Variants in TTC21B observed in about 807,000 individuals in gnomAD.
TTC21B encodes the protein tetratricopeptide repeat protein 21B.
In TTC21B, 127 loss-of-function variants were observed where a neutral mutation model predicts 175.1. That is an observed-to-expected ratio of 0.73 (90% CI 0.63 to 0.84). The LOEUF (loss-of-function observed/expected upper bound fraction) is 0.84, where lower values mean the gene tolerates loss of function less well. TTC21B is among the 40% of genes least tolerant of loss of function. The probability of loss-of-function intolerance (pLI) is 0.00; values close to 1 mark genes in which losing one functional copy is unlikely to be tolerated. For synonymous variants in TTC21B, 524 were observed against 524.5 expected (o/e 1.00, Z 0.01); for missense variants, 1,561 against 1,558.3 (o/e 1.00, Z -0.03).
intron 13 of TTC21B, among the ~76,000 whole-genome samples, chr2:165,917,837 A>C (rs1686233489): frequency 6.6e-6 from 1 of 152,178 alleles, no homozygotes; most frequent in South Asian, 2.1e-4. Context: ...ACTGATATGA[A>C]GTTATTAGAT....
Position 165,945,607 on chromosome 2 carries a change from A to C in TTC21B, c.346T>G (p.Leu116Val). The C allele has an allele frequency of 6.2e-7, 1 of 1,613,876 alleles. No homozygotes were observed. The highest frequency in any genetic ancestry group is 8.5e-7 in the Non-Finnish European group (1 of 1,179,946). The part of the protein sequence containing the change: ...AGEKALYHAG[L>V]FLWHIGRHDK... ...TGGCGACCAATGTGCCATAAAAATA[A>C]GCCTGCATGGTATAAGGCTTTCTCT... The change falls in exon 4 of 29, where the codon TTA becomes GTA. Residue 116 changes from leucine to valine, a missense_variant. By Grantham distance (32) the Leu-to-Val change is conservative (BLOSUM62 1). Coordinates refer to ENST00000243344, the MANE Select transcript of TTC21B (RefSeq NM_024753.5).
At chr2:165,913,838 A>G (rs963223675) in intron 15 of TTC21B, among the ~76,000 whole-genome samples, 192 bp from the exon 16 acceptor site, 6 of 152,156 alleles carry the variant, frequency 3.9e-5, no homozygotes, top group Non-Finnish European at 4.4e-5. Context: ...TAGATCAGCT[A>G]TTTCTGTCAC....
chr2:165,914,504 T>TCAAA (rs1686070684), intron 15 of TTC21B, among the ~76,000 whole-genome samples: 1 of 152,206 alleles, frequency 6.6e-6, no homozygotes, highest in Non-Finnish European at 1.5e-5. Flanking sequence ...TCTGAGCAGC[T>TCAAA]TTTTGAGTTT....
chr2:165,947,169 C>CATATATATATATATATATGTATAT (rs1687601337), intron 3 of TTC21B: 1 of 91,710 alleles, frequency 1.1e-5, no homozygotes, highest in African/African-American at 6.2e-5. Context: ...TCCCCTCCCC[C>CATATATATATATATATATGTATAT]ATATATATAT....
intron 6 of TTC21B, among the ~76,000 whole-genome samples, chr2:165,939,011 C>T (rs963082108): frequency 1.3e-5 from 2 of 151,970 alleles, no homozygotes; most frequent in African/African-American, 4.8e-5. Context: ...AAAGAATTAT[C>T]CTATTTTTTC....
chr2:165,924,733 A>G (rs1386018782), intron 11 of TTC21B, 55 bp from the exon 12 acceptor site: 16 of 1,472,366 alleles, frequency 1.1e-5, no homozygotes, highest in Admixed American at 2.1e-5. Flanking sequence ...ATATTTACCT[A>G]AAATAAACAT....
At chr2:165,932,916 T>G (rs913405274) in intron 7 of TTC21B, 57 bp downstream of exon 7, 34 of 1,426,408 alleles carry the variant, frequency 2.4e-5, no homozygotes, top group Non-Finnish European at 3.0e-5. Flanking sequence ...TGGGTGTGTA[T>G]GTGTAATGAA....
chr2:165,943,892 T>C (rs35813753), intron 4 of TTC21B, among the ~76,000 whole-genome samples: 5 of 152,040 alleles, frequency 3.3e-5, no homozygotes, highest in Non-Finnish European at 7.4e-5. Flanking sequence ...TCTTTACACA[T>C]GTTAGTGGGC....
At chr2:165,883,755 C>T (rs1040424827) in intron 26 of TTC21B, 39 bp downstream of exon 26, 1 of 1,502,792 alleles carries the variant, frequency 6.7e-7, no homozygotes, top group African/African-American at 1.4e-5. Context: ...GCTTATGCAA[C>T]AAAGGTCAAT....
chr2:165,930,280 C>T lies in TTC21B; in HGVS notation c.979G>A (p.Ala327Thr), dbSNP rs747735168. The change falls in exon 9 of 29, where the codon GCT becomes ACT. Residue 327 changes from alanine (A) to threonine (T), a missense_variant. Ala to Thr is a moderately conservative substitution (Grantham distance 58). Coordinates refer to ENST00000243344, the MANE Select transcript of TTC21B (RefSeq NM_024753.5). ...FSLNPQQSEFATELGYQMILQ... is the reference protein window; with the variant it reads ...FSLNPQQSEFTTELGYQMILQ... ...ATCATTTGGTATCCAAGTTCTGTAG[C>T]AAATTCTGATTGCTGAGGGTTTAAA... 3.1e-6 allele frequency: 5 copies of T among 1,613,182 alleles called. No individual in the cohort carries two copies. The South Asian group carries it at 5.5e-5, about 18-fold the overall frequency.
At chr2:165,934,500 C>CAAAAAAA (rs369089707) in intron 6 of TTC21B, among the ~76,000 whole-genome samples, 27 of 71,872 alleles carry the variant, frequency 3.8e-4, no homozygotes, top group African/African-American at 1.3e-3. Context: ...GACTCTGTCT[C>CAAAAAAA]AAAAAAAAAA....
chr2:165,880,915 T>G (rs896823192), intron 26 of TTC21B, 116 bp from the exon 27 acceptor site: 1 of 1,180,176 alleles, frequency 8.5e-7, no homozygotes, highest in African/African-American at 1.5e-5. Context: ...AATCAAACAA[T>G]GGTTTTCAAC....
chr2:165,929,346 A>C lies in TTC21B; in HGVS notation c.1186-11T>G. On this transcript the variant is annotated splice_polypyrimidine_tract_variant and intron_variant, in intron 10 of 28. Coordinates refer to ENST00000243344, the MANE Select transcript of TTC21B (RefSeq NM_024753.5). ...TAAATAGATTAATTCCTAGAAAATA[A>C]GTAGTTTTCATAAATTATTCCATTT... 1.3e-6 allele frequency: 2 copies of C among 1,588,118 alleles called. No individual in the cohort carries two copies. The highest frequency in any genetic ancestry group is 1.1e-5 in the South Asian group (1 of 89,982).
At chr2:165,929,028 C>T (rs754356069) in intron 11 of TTC21B, 107 bp downstream of exon 11, 15 of 990,734 alleles carry the variant, frequency 1.5e-5, no homozygotes, top group South Asian at 1.5e-4. Flanking sequence ...ACAAATACTA[C>T]CATTTTAAGA....
intron 28 of TTC21B, among the ~76,000 whole-genome samples, chr2:165,875,187 C>T (rs1267549682): frequency 6.6e-6 from 1 of 152,142 alleles, no homozygotes; most frequent in Admixed American, 6.5e-5. Context: ...GACTTTTATA[C>T]AGCAGCACAC....
intron 12 of TTC21B, among the ~76,000 whole-genome samples, chr2:165,921,603 T>A (rs1258328172): frequency 6.6e-6 from 1 of 152,142 alleles, no homozygotes; most frequent in Non-Finnish European, 1.5e-5. Context: ...GCTCTAGGAG[T>A]GCCCAAATCT....
intron 22 of TTC21B, 56 bp downstream of exon 22, chr2:165,898,630 A>T (rs1574078931): frequency 1.7e-6 from 2 of 1,205,422 alleles, no homozygotes; most frequent in East Asian, 4.7e-5. Flanking sequence ...AACAGAAGAA[A>T]AAAGGAGAAA....
chr2:165,899,822 C>T lies in TTC21B; in HGVS notation c.2816G>A (p.Arg939Gln), dbSNP rs751382210. Reference sequence around the variant, plus strand: ...ACTCTGAAGCAGTAGAGCACACTGCCGCAGGCAGGAATCAGGGTCATCTTG... The same window carrying T: ...ACTCTGAAGCAGTAGAGCACACTGCTGCAGGCAGGAATCAGGGTCATCTTG... ...LAQDDPDSCL[R>Q]QCALLLQSDQ... The change falls in exon 21 of 29, where the codon CGG becomes CAG. Residue 939 changes from arginine to glutamine, a missense_variant. Transcript: ENST00000243344. The T allele has an allele frequency of 5.9e-5, 96 of 1,613,802 alleles. 1 individual carries two copies. In the South Asian group the frequency reaches 8.5e-4, roughly 14 times the overall value.
At chr2:165,930,098 T>C (rs1686831011) in intron 9 of TTC21B, 74 bp downstream of exon 9, 8 of 1,415,588 alleles carry the variant, frequency 5.7e-6, no homozygotes, top group Non-Finnish European at 7.9e-6. Context: ...CCATGTGTTC[T>C]TCTCTAATGG....
Sources: allele counts gnomAD v4.1 joint callset (sites outside exome capture counted in the v4.1 genomes callset), GRCh38; gene constraint gnomAD v4.1.1; transcripts MANE v1.5; gene names NCBI Gene and HGNC (gene_info 2026-07-23, HGNC 2026-07-21).